The following POLR1A variants were observed in gnomAD, a reference collection of about 807,000 sequenced individuals.
POLR1A encodes the protein DNA-directed RNA polymerase I subunit RPA1.
Under a neutral mutation model 205.3 loss-of-function variants are expected in POLR1A, and 84 were observed. The ratio of observed to expected loss-of-function variants is 0.41; its 90% CI spans 0.34 to 0.49. POLR1A has a LOEUF of 0.49. POLR1A is among the 20% of genes least tolerant of loss of function. The pLI, the probability that POLR1A is intolerant of heterozygous loss-of-function variation, is 0.22. For synonymous variants in POLR1A, 799 were observed against 863.7 expected (o/e 0.93, Z 1.31); for missense variants, 1,645 against 2,204.5 (o/e 0.75, Z 5.08).
At chr2:86,075,855 T>C (rs868446949) in intron 11 of POLR1A, among the ~76,000 whole-genome samples, 1 of 152,196 alleles carries the variant, frequency 6.6e-6, no homozygotes, top group African/African-American at 2.4e-5. Flanking sequence ...TGCCAATAAA[T>C]TCAAAGTTCC....
chr2:86,045,435 C>G, intron 20 of POLR1A, 75 bp from the exon 21 acceptor site: 1 of 1,311,952 alleles, frequency 7.6e-7, no homozygotes, highest in East Asian at 2.3e-5. Flanking sequence ...AGGCCAACAC[C>G]TCCAGCAGCC....
chr2:86,083,413 A>G (rs1673440676), intron 6 of POLR1A, among the ~76,000 whole-genome samples: 1 of 151,772 alleles, frequency 6.6e-6, no homozygotes, highest in Non-Finnish European at 1.5e-5. Flanking sequence ...AACATTACCC[A>G]TAATCCCATC....
chr2:86,052,850 C>A lies in POLR1A; in HGVS notation c.2359G>T (p.Ala787Ser). 1 of 1,587,220 alleles carries A rather than the reference C, an allele frequency of 6.3e-7. No individual in the cohort carries two copies. The highest frequency in any genetic ancestry group is 1.1e-5 in the South Asian group (1 of 88,010). Reference protein sequence around the residue: ...VLTCLARLFTAYLQLYRGFTL... With the variant: ...VLTCLARLFTSYLQLYRGFTL... ...AAGCCTCTGTAGAGCTGCAGGTAGG[C>A]GGTGAAGAGGCGGGCCAGGCAGGTT... The change falls in exon 16 of 34, where the codon GCC (alanine) becomes TCC (serine). Residue 787 changes from alanine (A) to serine (S), a missense_variant. Transcript: ENST00000263857.
intron 1 of POLR1A, among the ~76,000 whole-genome samples, chr2:86,102,200 A>G (rs1455048921): frequency 6.6e-6 from 1 of 152,202 alleles, no homozygotes; most frequent in Non-Finnish European, 1.5e-5. Context: ...TAGTTTTTTG[A>G]GAATCCACCC....
At position 86,026,431 on chromosome 2, in the gene POLR1A, A is replaced by C. The variant is rs1323241152; in HGVS notation, c.*992T>G. On this transcript the variant is annotated 3_prime_UTR_variant, in exon 34 of 34. Coordinates refer to ENST00000263857, the MANE Select transcript of POLR1A (RefSeq NM_015425.6). ...ATAACAGTAGACAAAGATAGAAGCT[A>C]GCCTCTGGTTTTACAAAGCCTTTGT... The C allele has an allele frequency of 6.6e-6, 1 of 152,272 alleles. No individual in the cohort carries two copies. The highest frequency in any genetic ancestry group is 6.5e-5 in the Admixed American group (1 of 15,286). 9.4% of individuals were successfully genotyped at this position (152,272 alleles called of 1,614,324 possible). A position where few individuals can be genotyped will look rare whatever the true frequency, so the allele number is the denominator to read the frequency against.
chr2:86,045,643 T>G lies in POLR1A; in HGVS notation c.2860A>C (p.Arg954=). ...TPRAGGFVTG[R]FLTGIKPPEF... ...GGAGGTTTGATGCCGGTGAGGAACC[T>G]GCCAGTGACAAAGCCACCAGCCCTG... Residue 954 remains arginine (R), a synonymous_variant, in exon 20 of 34, where the codon AGG becomes CGG. Transcript: ENST00000263857. 6.2e-7 allele frequency: 1 copy of G among 1,614,086 alleles called. No homozygotes were observed. The highest frequency in any genetic ancestry group is 8.5e-7 in the Non-Finnish European group (1 of 1,180,008).
At chr2:86,082,394 C>A (rs1198750598) in intron 7 of POLR1A, among the ~76,000 whole-genome samples, 1 of 152,058 alleles carries the variant, frequency 6.6e-6, no homozygotes, top group East Asian at 1.9e-4. Context: ...AGTTAGCCTC[C>A]TCCCACCCCT....
intron 11 of POLR1A, among the ~76,000 whole-genome samples, chr2:86,075,538 C>T (rs952959914): frequency 1.3e-5 from 2 of 152,090 alleles, no homozygotes; most frequent in Non-Finnish European, 2.9e-5. Flanking sequence ...GATGGAGTTT[C>T]GCTCTTGTTG....
In POLR1A at chr2:86,070,151, T is replaced by C; in HGVS notation, c.1733A>G (p.His578Arg). The C allele has an allele frequency of 6.2e-7, 1 of 1,614,216 alleles. No homozygotes were observed. The highest frequency in any genetic ancestry group is 8.5e-7 in the Non-Finnish European group (1 of 1,180,034). ...ATTATAGGCCTTGCAGTTGGCATAG[T>C]GGAGCCGCAGCACTTTCTCTTCAGG... ...ILPEEKVLRL[H>R]YANCKAYNAD... is the part of the protein sequence containing the mutation. Residue 578 changes from histidine (H) to arginine (R), a missense_variant, in exon 13 of 34, where the codon CAC (histidine) becomes CGC (arginine). This residue lies in a region of POLR1A where 17 missense variants were observed against 29.4 expected (regional missense o/e 0.58). Transcript: ENST00000263857. This position sits in a 1 kb window ranked among gnomAD's most constrained non-coding sequence, Gnocchi z 4.4.
In POLR1A at chr2:86,092,503, A is replaced by G. The variant is rs548212349; in HGVS notation, c.433-2574T>C. ...GCCCTGCTGGCATACTATGTCTCCA[A>G]TCTCCTCCAGGGCGTTTTAAAGAGA... On this transcript the variant is annotated intron_variant, in intron 3 of 33. Transcript: ENST00000263857. Among the ~76,000 whole-genome samples, 4 of 152,324 alleles carry G rather than the reference A, an allele frequency of 2.6e-5. No homozygotes were observed. In the East Asian group the frequency reaches 5.8e-4, roughly 22 times the overall value.
At chr2:86,049,449 C>A (rs999696189) in intron 16 of POLR1A, among the ~76,000 whole-genome samples, 2 of 152,154 alleles carry the variant, frequency 1.3e-5, no homozygotes, top group Admixed American at 1.3e-4. Context: ...CCCCATTTTA[C>A]AAATGACAAA....
At chr2:86,061,888 T>C (rs961724362) in intron 14 of POLR1A, among the ~76,000 whole-genome samples, 4 of 152,196 alleles carry the variant, frequency 2.6e-5, no homozygotes, top group Non-Finnish European at 4.4e-5. Context: ...GATATGCTAC[T>C]TTCTGATCTG....
chr2:86,041,773 G>T, intron 24 of POLR1A, 116 bp downstream of exon 24: 1 of 846,984 alleles, frequency 1.2e-6, no homozygotes, highest in Non-Finnish European at 1.9e-6. Context: ...CCCTCTAGCT[G>T]AAGTCTCAAA....
intron 3 of POLR1A, among the ~76,000 whole-genome samples, chr2:86,094,763 C>T (rs1425789329): frequency 1.3e-5 from 2 of 152,074 alleles, no homozygotes; most frequent in African/African-American, 2.4e-5. Flanking sequence ...AGTATGTATT[C>T]GATCAATTAA....
At chr2:86,034,458 C>A (rs1306201546) in intron 27 of POLR1A, among the ~76,000 whole-genome samples, 1 of 152,216 alleles carries the variant, frequency 6.6e-6, no homozygotes, top group Non-Finnish European at 1.5e-5. Context: ...TAGAACCACA[C>A]CAATTTAAAA....
Position 86,033,203 on chromosome 2 carries a change from T to C in POLR1A, c.4161+458A>G, listed in dbSNP as rs1475145733. ...CCTACTGGTTTTTTCCCTCTTCCCC[T>C]TTTTGTCACTGCAGCCCAACTTCTC... On this transcript the variant is annotated intron_variant, in intron 28 of 33. Coordinates refer to ENST00000263857, the MANE Select transcript of POLR1A (RefSeq NM_015425.6). Among the ~76,000 whole-genome samples the C allele has an allele frequency of 2.0e-5, 3 of 152,262 alleles. No homozygotes were observed. In the East Asian group the frequency reaches 5.8e-4, roughly 29 times the overall value.
chr2:86,065,727 C>T (rs996554813), intron 13 of POLR1A: 21 of 408,638 alleles, frequency 5.1e-5, no homozygotes, highest in East Asian at 1.3e-4. Context: ...CCCGTTCCCC[C>T]GGCCTTCTCT....
chr2:86,043,318 C>A (rs1444669667), intron 22 of POLR1A, 123 bp from the exon 23 acceptor site: 1 of 740,300 alleles, frequency 1.4e-6, no homozygotes, highest in Non-Finnish European at 2.3e-6. Context: ...GTGGAGCCCT[C>A]ATGATGGGGC....
rs755691928 is a variant in POLR1A, at chr2:86,027,471, G to C, written c.5115C>G (p.Val1705=). The change falls in exon 34 of 34, where the codon GTC becomes GTG. Residue 1705 remains valine, a synonymous_variant. Coordinates refer to ENST00000263857, the MANE Select transcript of POLR1A (RefSeq NM_015425.6). ...CGAACAGGCCTGTCCCGCCCCTGAC[G>C]ACCTTCCCGACCACAAGGCAGGCAG... ...SPSACLVVGK[V]VRGGTGLFEL... 1.2e-6 allele frequency: 2 copies of C among 1,614,178 alleles called. No individual in the cohort carries two copies. The highest frequency in any genetic ancestry group is 1.7e-6 in the Non-Finnish European group (2 of 1,180,024).
Sources: gnomAD v4.1 joint callset for allele counts (sites outside exome capture counted in the v4.1 genomes callset) on GRCh38, gnomAD v4.1.1 for gene constraint, gnomAD v4.1.1 regional missense constraint, Gnocchi (gnomAD v3.1) non-coding constraint, MANE v1.5 for transcripts, NCBI Gene and HGNC (gene_info 2026-07-23, HGNC 2026-07-21) for gene names.